The following TENM4 variants were observed in gnomAD, a reference collection of about 807,000 sequenced individuals.
TENM4 encodes the protein teneurin transmembrane protein 4.
TENM4 carries 82 observed loss-of-function variants against 243.3 expected under a neutral mutation model. The observed-to-expected ratio is 0.34, with a 90% CI of 0.28 to 0.40. TENM4 has a LOEUF of 0.40. Among genes scored for constraint, TENM4 ranks in the 10% least tolerant of loss-of-function variants. The pLI is 1.00. For missense variants in TENM4, 3,138 were observed against 3,673.3 expected (o/e 0.85, Z 3.77); for synonymous variants, 1,412 against 1,456.3 (o/e 0.97, Z 0.69).
At chr11:79,395,343 T>C (rs1482003121) in intron 1 of TENM4, among the ~76,000 whole-genome samples, 1 of 152,194 alleles carries the variant, frequency 6.6e-6, no homozygotes, top group East Asian at 1.9e-4. Flanking sequence ...GCCTACTATA[T>C]TCCAGGGCCA....
In TENM4 at chr11:78,997,997, GCTGT is replaced by G. The variant is rs763488942; in HGVS notation, c.493+66737_493+66740del. ...CATGTGAACACACAGTGAAAAGGCT[GCTGT>G]CTATTAGCCAGAACGTATGCCCTCA... is the stretch of plus-strand genomic sequence containing the variant. On this transcript the variant is annotated intron_variant, in intron 6 of 33. Transcript: ENST00000278550. Among the ~76,000 whole-genome samples, 5 of 152,304 alleles carry G rather than the reference GCTGT, an allele frequency of 3.3e-5. No individual in the cohort carries two copies. In the East Asian group the frequency reaches 7.7e-4, roughly 24 times the overall value.
chr11:79,306,891 C>G (rs1296862154), intron 1 of TENM4, among the ~76,000 whole-genome samples: 1 of 145,612 alleles, frequency 6.9e-6, no homozygotes, highest in African/African-American at 2.8e-5. Flanking sequence ...GTCCTTCATT[C>G]AAACAGCCAA....
chr11:79,221,541 C>G (rs114808071), intron 2 of TENM4, among the ~76,000 whole-genome samples: 2 of 151,840 alleles, frequency 1.3e-5, no homozygotes, highest in African/African-American at 4.8e-5. Flanking sequence ...TCAGAGAGCA[C>G]GTCAGTGAGG....
At chr11:79,288,690 A>G (rs910148545) in intron 2 of TENM4, among the ~76,000 whole-genome samples, 2 of 152,216 alleles carry the variant, frequency 1.3e-5, no homozygotes, top group Non-Finnish European at 2.9e-5. Flanking sequence ...GCATCTTGAG[A>G]GAGCTAAGTG....
intron 12 of TENM4, among the ~76,000 whole-genome samples, chr11:78,833,498 G>A (rs1007151982): frequency 2.6e-5 from 4 of 152,120 alleles, no homozygotes; most frequent in African/African-American, 4.8e-5. Flanking sequence ...AGACTTTCCC[G>A]CATGGTCAAA....
At chr11:78,935,962 G>T (rs980879107) in intron 6 of TENM4, among the ~76,000 whole-genome samples, 2 of 152,152 alleles carry the variant, frequency 1.3e-5, no homozygotes, top group East Asian at 3.9e-4. Flanking sequence ...AGTGAGATCT[G>T]TAAGGGCCCT....
At chr11:78,974,216 C>T (rs1189458625) in intron 6 of TENM4, among the ~76,000 whole-genome samples, 1 of 152,164 alleles carries the variant, frequency 6.6e-6, no homozygotes, top group Non-Finnish European at 1.5e-5. Flanking sequence ...AGTGGGTACT[C>T]ACTACATATT....
At chr11:78,787,314 G>C (rs1040081673) in intron 15 of TENM4, among the ~76,000 whole-genome samples, 11 of 152,186 alleles carry the variant, frequency 7.2e-5, no homozygotes, top group African/African-American at 2.2e-4. Flanking sequence ...AATTCTCTGG[G>C]CAGAAGCCTG....
At chr11:78,715,400 G>T (rs1297300239) in intron 25 of TENM4, among the ~76,000 whole-genome samples, 1 of 152,146 alleles carries the variant, frequency 6.6e-6, no homozygotes, top group East Asian at 1.9e-4. Context: ...GGTCCCTGAG[G>T]GGGTATGGTG....
chr11:79,007,096 A>G (rs1858504947), intron 6 of TENM4, among the ~76,000 whole-genome samples: 1 of 152,176 alleles, frequency 6.6e-6, no homozygotes, highest in Non-Finnish European at 1.5e-5. Flanking sequence ...TTGCCAGCCT[A>G]CCCTGCAGAT....
At chr11:79,184,173 A>T (rs971651055) in intron 3 of TENM4, among the ~76,000 whole-genome samples, 2 of 152,208 alleles carry the variant, frequency 1.3e-5, no homozygotes, top group Admixed American at 1.3e-4. Context: ...GGCCTTATAA[A>T]GGGAGGAAAT....
At chr11:79,426,040 G>T (rs1565341792) in intron 1 of TENM4, among the ~76,000 whole-genome samples, 1 of 152,080 alleles carries the variant, frequency 6.6e-6, no homozygotes, top group Non-Finnish European at 1.5e-5. Context: ...CCCACACTCT[G>T]GTCTAGAATG....
chr11:79,280,066 A>G (rs1031030038), intron 2 of TENM4, among the ~76,000 whole-genome samples: 1 of 152,192 alleles, frequency 6.6e-6, no homozygotes, highest in African/African-American at 2.4e-5. Context: ...AGCAGAGACC[A>G]AGCCCTCACC....
At chr11:79,035,160 C>T (rs1036161174) in intron 6 of TENM4, among the ~76,000 whole-genome samples, 4 of 152,102 alleles carry the variant, frequency 2.6e-5, no homozygotes, top group African/African-American at 4.8e-5. Flanking sequence ...GGTCTGAATC[C>T]GGGTTCACTC....
At chr11:79,419,613 G>T (rs972650737) in intron 1 of TENM4, among the ~76,000 whole-genome samples, 1 of 152,218 alleles carries the variant, frequency 6.6e-6, no homozygotes, top group African/African-American at 2.4e-5. Context: ...TATGAGGCCA[G>T]TTACCAGCCA....
intron 11 of TENM4, 59 bp downstream of exon 11, chr11:78,855,905 G>C: frequency 6.7e-7 from 1 of 1,486,058 alleles, no homozygotes; most frequent in Non-Finnish European, 9.1e-7. Flanking sequence ...CTTAACTTTG[G>C]GTTAAGATTT....
chr11:79,380,183 T>C (rs489257), intron 1 of TENM4, among the ~76,000 whole-genome samples: 99,363 of 151,968 alleles, frequency 0.65, 32,847 homozygotes, highest in African/African-American at 0.76. Context: ...ATGCAGCAAA[T>C]GTTGAATGAG....
chr11:79,006,478 C>T (rs1201519943), intron 6 of TENM4, among the ~76,000 whole-genome samples: 1 of 152,168 alleles, frequency 6.6e-6, no homozygotes, highest in East Asian at 1.9e-4. Context: ...GAACCTTGGT[C>T]AGGTATCACA....
Position 78,702,170 on chromosome 11 carries a change from C to G in TENM4, c.4443G>C (p.Leu1481=). The G allele has an allele frequency of 1.2e-6, 2 of 1,613,984 alleles. No homozygotes were observed. Among genetic ancestry groups the G allele is most frequent in the Non-Finnish European group, 8.5e-7 (1 of 1,179,888 alleles). The part of the protein sequence containing the change: ...TALAVSHNGV[L]YIAETDEKKI... ...TTTTCTCATCAGTCTCAGCAATATACAGGACCCCATTGTGTGAAACAGCCA... is the reference window on the plus strand; with the variant it reads ...TTTTCTCATCAGTCTCAGCAATATAGAGGACCCCATTGTGTGAAACAGCCA... The change falls in exon 28 of 34, where the codon CTG becomes CTC. Residue 1481 remains leucine (L), a synonymous_variant. Coordinates refer to ENST00000278550, the MANE Select transcript of TENM4 (RefSeq NM_001098816.3).
Sources: allele counts gnomAD v4.1 joint callset (sites outside exome capture counted in the v4.1 genomes callset), GRCh38; gene constraint gnomAD v4.1.1; transcripts MANE v1.5; gene names NCBI Gene and HGNC (gene_info 2026-07-23, HGNC 2026-07-21).